Variants in LRBA observed in about 807,000 individuals in gnomAD.
LRBA encodes lipopolysaccharide-responsive and beige-like anchor protein.
LRBA carries 176 observed loss-of-function variants against 330.0 expected under a neutral mutation model. The observed-to-expected ratio is 0.53, with a 90% CI of 0.47 to 0.60. The LOEUF (loss-of-function observed/expected upper bound fraction) is 0.60, where lower values mean the gene tolerates loss of function less well. Ranked by LOEUF, LRBA falls within the 20% of genes least tolerant of loss-of-function variation. The pLI is 0.00. For missense variants in LRBA, 3,259 were observed against 3,444.8 expected (o/e 0.95, Z 1.35); for synonymous variants, 1,230 against 1,193.0 (o/e 1.03, Z -0.64).
intron 47 of LRBA, 72 bp downstream of exon 47, chr4:150,415,366 T>C: frequency 7.1e-7 from 1 of 1,406,804 alleles, no homozygotes; most frequent in Non-Finnish European, 9.9e-7. Context: ...GGGTTAATGA[T>C]TATACACCAA....
chr4:150,679,213 A>C (rs958449834), intron 37 of LRBA, among the ~76,000 whole-genome samples: 1 of 152,200 alleles, frequency 6.6e-6, no homozygotes, highest in Non-Finnish European at 1.5e-5. Flanking sequence ...TAACGGGTCA[A>C]GTACATTAGC....
chr4:150,366,761 C>T (rs1739518014), intron 47 of LRBA, among the ~76,000 whole-genome samples: 1 of 152,178 alleles, frequency 6.6e-6, no homozygotes, highest in Admixed American at 6.5e-5. Flanking sequence ...GAGTAATTAA[C>T]TCTGATGTGA....
intron 36 of LRBA, among the ~76,000 whole-genome samples, chr4:150,720,235 T>C (rs558245726): frequency 6.6e-6 from 1 of 152,082 alleles, no homozygotes; most frequent in Non-Finnish European, 1.5e-5. Context: ...ATAGCACCAA[T>C]CAATCAACAA....
At chr4:150,931,353 C>T (rs1203169059) in intron 2 of LRBA, among the ~76,000 whole-genome samples, 4 of 151,280 alleles carry the variant, frequency 2.6e-5, no homozygotes, top group Non-Finnish European at 4.4e-5. Context: ...TAATGCTTGG[C>T]TGACGGTGGT....
chr4:150,570,992 A>G (rs568377948), intron 40 of LRBA, among the ~76,000 whole-genome samples: 4 of 152,226 alleles, frequency 2.6e-5, no homozygotes, highest in Admixed American at 6.6e-5. Flanking sequence ...CTCTCCCTCT[A>G]TATGCTGTAG....
At chr4:150,917,869 C>A (rs1243494670) in intron 5 of LRBA, among the ~76,000 whole-genome samples, 1 of 151,612 alleles carries the variant, frequency 6.6e-6, no homozygotes, top group Non-Finnish European at 1.5e-5. Flanking sequence ...GCAGAGGTTG[C>A]AGTGAGCCGA....
rs199983116 is a variant in LRBA at position 150,853,039 on chromosome 4, A to G, written c.2767-96T>C. 9.1e-5 allele frequency: 49 copies of G among 536,406 alleles called. No homozygotes were observed. The East Asian group carries it at 1.6e-3, about 18-fold the overall frequency. The allele number at this position is 536,406 out of a possible 1,614,324, so 33.2% of individuals were successfully genotyped here. A position where few individuals can be genotyped will look rare whatever the true frequency, so the allele number is the denominator to read the frequency against. On this transcript the variant is annotated intron_variant, in intron 22 of 56. Transcript: ENST00000651943. The stretch of plus-strand genomic sequence containing the variant: ...AATAATTTTCAAATACATAGTTTAT[A>G]TAATACAATAAAACTTAATTTTCCT...
At chr4:150,279,166 T>C (rs531954715) in intron 55 of LRBA, among the ~76,000 whole-genome samples, 55 of 152,342 alleles carry the variant, frequency 3.6e-4, no homozygotes, top group Non-Finnish European at 6.5e-4. Flanking sequence ...ACACCTATTA[T>C]TTGTTTATGA....
chr4:150,969,381 G>A (rs1739270200), intron 2 of LRBA, among the ~76,000 whole-genome samples: 1 of 152,178 alleles, frequency 6.6e-6, no homozygotes, highest in African/African-American at 2.4e-5. Flanking sequence ...TGATTCATGG[G>A]AGGAGGAGTT....
intron 22 of LRBA, among the ~76,000 whole-genome samples, chr4:150,863,217 G>A (rs976052174): frequency 6.6e-6 from 1 of 152,182 alleles, no homozygotes; most frequent in Non-Finnish European, 1.5e-5. Flanking sequence ...AGGATCACTT[G>A]AGCCCAGGAG....
chr4:150,676,574 C>T (rs1282731858), intron 37 of LRBA, among the ~76,000 whole-genome samples: 1 of 152,068 alleles, frequency 6.6e-6, no homozygotes, highest in Admixed American at 6.6e-5. Context: ...TAGAAGCAGC[C>T]CTGTCAACAA....
chr4:150,393,762 G>A lies in LRBA; in HGVS notation c.7194+21676C>T, dbSNP rs369175649. ...TGGCCTCCCAAAGTGTTGGGATTATGGGCATGAGCCACTGCCCTTGGTCCA... is the reference window on the plus strand; with the variant it reads ...TGGCCTCCCAAAGTGTTGGGATTATAGGCATGAGCCACTGCCCTTGGTCCA... On this transcript the variant is annotated intron_variant, in intron 47 of 56. Transcript: ENST00000651943. 1.8e-4 allele frequency among the ~76,000 whole-genome samples: 28 copies of A among 152,260 alleles called. No individual in the cohort carries two copies. The South Asian group carries it at 3.3e-3, about 18-fold the overall frequency.
intron 37 of LRBA, among the ~76,000 whole-genome samples, chr4:150,670,090 T>G (rs913828868): frequency 6.6e-6 from 1 of 152,178 alleles, no homozygotes; most frequent in Admixed American, 6.5e-5. Context: ...AACTATCTTG[T>G]TGGGAGATAC....
intron 48 of LRBA, among the ~76,000 whole-genome samples, 177 bp downstream of exon 48, chr4:150,349,815 G>C (rs1736897095): frequency 6.6e-6 from 1 of 152,122 alleles, no homozygotes; most frequent in African/African-American, 2.4e-5. Flanking sequence ...TTTGTTGGAA[G>C]GAACCTCTGG....
intron 31 of LRBA, among the ~76,000 whole-genome samples, chr4:150,814,162 T>G (rs1744206041): frequency 6.6e-6 from 1 of 152,110 alleles, no homozygotes; most frequent in African/African-American, 2.4e-5. Context: ...AAAAAATTGT[T>G]AAGATGGAAC....
chr4:150,595,207 C>T (rs1044930308), intron 38 of LRBA, among the ~76,000 whole-genome samples: 1 of 112,286 alleles, frequency 8.9e-6, no homozygotes, highest in Non-Finnish European at 2.2e-5. Flanking sequence ...CCATAGCATT[C>T]CAAGTCAAGA....
At chr4:150,645,033 T>C (rs1006176684) in intron 37 of LRBA, among the ~76,000 whole-genome samples, 1 of 151,618 alleles carries the variant, frequency 6.6e-6, no homozygotes, top group Non-Finnish European at 1.5e-5. Context: ...TCTTAACCAA[T>C]GTCATTTCCA....
intron 36 of LRBA, among the ~76,000 whole-genome samples, chr4:150,692,272 G>A (rs1582062586): frequency 6.6e-6 from 1 of 152,134 alleles, no homozygotes; most frequent in Non-Finnish European, 1.5e-5. Flanking sequence ...AGGCTGGAGT[G>A]CAGTGGTGTG....
chr4:150,707,432 T>C (rs1785737492), intron 36 of LRBA, among the ~76,000 whole-genome samples: 1 of 151,220 alleles, frequency 6.6e-6, no homozygotes, highest in Non-Finnish European at 1.5e-5. Context: ...AAAAGATTCA[T>C]GAGAAATAAA....
Sources: allele counts gnomAD v4.1 joint callset (sites outside exome capture counted in the v4.1 genomes callset), GRCh38; gene constraint gnomAD v4.1.1; transcripts MANE v1.5; gene names NCBI Gene and HGNC (gene_info 2026-07-23, HGNC 2026-07-21).